Variants in ARHGAP6 observed in about 807,000 individuals in gnomAD.
ARHGAP6 encodes the protein Rho GTPase activating protein 6, also known as rho GTPase-activating protein 6.
ARHGAP6 carries 16 observed loss-of-function variants against 55.7 expected under a neutral mutation model. That is an observed-to-expected ratio of 0.29 (90% confidence interval 0.19 to 0.44). ARHGAP6 has a LOEUF of 0.44. Ranked by LOEUF, ARHGAP6 falls within the 20% of genes least tolerant of loss-of-function variation. The probability of loss-of-function intolerance (pLI) is 1.00; values close to 1 mark genes in which losing one functional copy is unlikely to be tolerated. For synonymous variants in ARHGAP6, 382 were observed against 360.9 expected (o/e 1.06, Z -0.66); for missense variants, 698 against 808.9 (o/e 0.86, Z 1.66).
intron 1 of ARHGAP6, among the ~76,000 whole-genome samples, chrX:11,472,400 A>G (rs1259055515): frequency 1.8e-5 from 2 of 112,117 alleles, no homozygotes; most frequent in Admixed American, 9.5e-5. Flanking sequence ...GAGAGGCACC[A>G]CTTTAGACTG....
chrX:11,235,598 G>A (rs998806311), intron 2 of ARHGAP6, among the ~76,000 whole-genome samples: 6 of 111,196 alleles, frequency 5.4e-5, no homozygotes, highest in African/African-American at 9.8e-5. Flanking sequence ...GCAAATTTTC[G>A]AAACTCTTAT....
chrX:11,358,025 A>G (rs752556184), intron 1 of ARHGAP6, among the ~76,000 whole-genome samples: 2 of 111,705 alleles, frequency 1.8e-5, no homozygotes, highest in African/African-American at 6.5e-5. Context: ...ATCCATACCC[A>G]TTAACAGTTA....
At chrX:11,514,161 CAAAAAAA>C (rs1156613318) in intron 1 of ARHGAP6, among the ~76,000 whole-genome samples, 15 of 35,781 alleles carry the variant, frequency 4.2e-4, no homozygotes, top group South Asian at 7.6e-3. Flanking sequence ...AACCCTGTCT[CAAAAAAA>C]AAAAAAAAAA....
chrX:11,257,336 T>C (rs746103173), intron 1 of ARHGAP6, among the ~76,000 whole-genome samples: 18 of 112,285 alleles, frequency 1.6e-4, no homozygotes, highest in Non-Finnish European at 3.0e-4. Context: ...TGACAATCTT[T>C]TTCTGTAAAG....
At chrX:11,174,474 C>A (rs1402726203) in intron 8 of ARHGAP6, among the ~76,000 whole-genome samples, 1 of 110,705 alleles carries the variant, frequency 9.0e-6, no homozygotes, top group Non-Finnish European at 1.9e-5. Context: ...AGGGTAGATG[C>A]TCAGGACATG....
intron 1 of ARHGAP6, among the ~76,000 whole-genome samples, chrX:11,472,239 T>C (rs5933889): frequency 0.028 from 3,158 of 111,286 alleles, 47 homozygotes; most frequent in Middle Eastern, 0.06. Flanking sequence ...TCCACCCCAG[T>C]TGTAAGAACA....
At chrX:11,192,607 A>T (rs1466393675) in intron 3 of ARHGAP6, among the ~76,000 whole-genome samples, 2 of 112,672 alleles carry the variant, frequency 1.8e-5, no homozygotes, top group African/African-American at 6.5e-5. Context: ...AAGTTGTATG[A>T]GCTATTTGTA....
intron 6 of ARHGAP6, among the ~76,000 whole-genome samples, chrX:11,180,645 G>A (rs2046302518): frequency 9.0e-6 from 1 of 111,487 alleles, no homozygotes; most frequent in South Asian, 3.8e-4. Flanking sequence ...ATTTTTATTG[G>A]GTAATCCTTA....
At chrX:11,416,340 TA>T (rs1197286098) in intron 1 of ARHGAP6, among the ~76,000 whole-genome samples, 1 of 111,694 alleles carries the variant, frequency 9.0e-6, no homozygotes, top group Non-Finnish European at 1.9e-5. Flanking sequence ...TGACTACATT[TA>T]AAAAATGTTC....
intron 1 of ARHGAP6, among the ~76,000 whole-genome samples, chrX:11,319,340 C>A (rs972749690): frequency 1.8e-5 from 2 of 112,051 alleles, no homozygotes; most frequent in African/African-American, 3.2e-5. Context: ...CTGGAGTATG[C>A]ATCAGAATCC....
intron 1 of ARHGAP6, among the ~76,000 whole-genome samples, chrX:11,451,353 G>A (rs1314268669): frequency 4.5e-5 from 5 of 111,708 alleles, no homozygotes; most frequent in Admixed American, 1.9e-4. Context: ...CAACAAAGCC[G>A]GAGTATATTT....
intron 1 of ARHGAP6, among the ~76,000 whole-genome samples, chrX:11,621,571 C>T (rs1206503405): frequency 1.8e-5 from 2 of 110,902 alleles, no homozygotes; most frequent in Non-Finnish European, 1.9e-5. Context: ...GATTTTGATA[C>T]CAAAAAATTT....
At chrX:11,654,675 A>G (rs1002227794) in intron 1 of ARHGAP6, among the ~76,000 whole-genome samples, 2 of 111,663 alleles carry the variant, frequency 1.8e-5, no homozygotes, top group African/African-American at 3.3e-5. Context: ...TAATCAGGAC[A>G]TCGAATTTCC....
chrX:11,254,544 T>C lies in ARHGAP6; in HGVS notation c.748+4A>G. Reference sequence around the variant, plus strand: ...CCCCGGCAGAAAGGCAGAAGAGGCCTTACCTTTGGGAATGGTGATCTGACA... The same window carrying C: ...CCCCGGCAGAAAGGCAGAAGAGGCCCTACCTTTGGGAATGGTGATCTGACA... On this transcript the variant is annotated splice_donor_region_variant and intron_variant, in intron 2 of 12. Coordinates refer to ENST00000337414, the MANE Select transcript of ARHGAP6 (RefSeq NM_013427.3). 8.3e-7 allele frequency: 1 copy of C among 1,208,313 alleles called. No homozygotes were observed. Among genetic ancestry groups the C allele is most frequent in the Non-Finnish European group, 1.1e-6 (1 of 894,252 alleles).
intron 1 of ARHGAP6, among the ~76,000 whole-genome samples, chrX:11,393,836 G>A (rs2049442011): frequency 9.0e-6 from 1 of 111,575 alleles, no homozygotes; most frequent in Non-Finnish European, 1.9e-5. Context: ...TTTTAATACT[G>A]AGAAAAATAT....
chrX:11,265,737 C>T (rs2047613779), intron 1 of ARHGAP6: 1 of 918,225 alleles, frequency 1.1e-6, no homozygotes, highest in Admixed American at 5.0e-5. Context: ...TCTAACTGAA[C>T]TAAGCTTGCA....
chrX:11,275,146 T>C (rs2047741458), intron 1 of ARHGAP6, among the ~76,000 whole-genome samples: 1 of 111,851 alleles, frequency 8.9e-6, no homozygotes, highest in Admixed American at 9.5e-5. Context: ...CCATATTAAA[T>C]AGATTTAACT....
At chrX:11,391,140 A>G (rs924866292) in intron 1 of ARHGAP6, among the ~76,000 whole-genome samples, 2 of 111,956 alleles carry the variant, frequency 1.8e-5, no homozygotes, top group Admixed American at 9.5e-5. Context: ...AGCCATGAAA[A>G]ACGATGAGTT....
At chrX:11,448,636 C>T (rs2050116323) in intron 1 of ARHGAP6, among the ~76,000 whole-genome samples, 1 of 111,477 alleles carries the variant, frequency 9.0e-6, no homozygotes, top group South Asian at 3.9e-4. Flanking sequence ...AAATATGCTG[C>T]TGTATAGTTG....
Sources: allele counts gnomAD v4.1 joint callset (sites outside exome capture counted in the v4.1 genomes callset), GRCh38; gene constraint gnomAD v4.1.1; transcripts MANE v1.5; gene names NCBI Gene and HGNC (gene_info 2026-07-23, HGNC 2026-07-21).